The following TMEM242 variants were observed in gnomAD, a reference collection of about 807,000 sequenced individuals.
TMEM242 encodes the protein transmembrane protein 242.
A neutral mutation model predicts 18.2 loss-of-function variants in TMEM242; 10 were observed. The ratio of observed to expected loss-of-function variants is 0.55; its 90% confidence interval spans 0.34 to 0.93. TMEM242 has a LOEUF of 0.93. Ranked by LOEUF, TMEM242 falls within the 40% of genes least tolerant of loss-of-function variation. The pLI is 0.02. For missense variants in TMEM242, 186 were observed against 175.5 expected (o/e 1.06, Z -0.34); for synonymous variants, 57 against 69.9 (o/e 0.81, Z 0.92).
At chr6:157,312,705 CGCT>C (rs1778210591) in intron 3 of TMEM242, among the ~76,000 whole-genome samples, 3 of 117,256 alleles carry the variant, frequency 2.6e-5, no homozygotes, top group South Asian at 3.1e-4. Context: ...TCCCAGTGTG[CGCT>C]CACCTGGCCT....
chr6:157,313,981 T>C (rs886200639), intron 3 of TMEM242, among the ~76,000 whole-genome samples: 5 of 129,418 alleles, frequency 3.9e-5, no homozygotes, highest in East Asian at 2.5e-4. Flanking sequence ...GGCCTCATCA[T>C]AGTGCCCCAG....
chr6:157,293,656 G>T (rs1295383249), intron 3 of TMEM242, among the ~76,000 whole-genome samples: 6 of 149,062 alleles, frequency 4.0e-5, no homozygotes, highest in East Asian at 2.0e-4. Flanking sequence ...CAAGACAGTG[G>T]TTTTTTTTTT....
At chr6:157,312,904 C>CGCTCACCCGGCATCATCATAGTGCCCCAG (rs1778227160) in intron 3 of TMEM242, among the ~76,000 whole-genome samples, 1 of 13,430 alleles carries the variant, frequency 7.4e-5, no homozygotes, top group Admixed American at 7.1e-4. Context: ...TAGTGTCCCA[C>CGCTCACCCGGCATCATCATAGTGCCCCAG]TGTGCGCTCA....
intron 3 of TMEM242, among the ~76,000 whole-genome samples, chr6:157,295,710 C>T (rs1187575630): frequency 6.6e-6 from 1 of 152,060 alleles, no homozygotes; most frequent in Non-Finnish European, 1.5e-5. Flanking sequence ...TACTTGTGCC[C>T]AGGGTCATGG....
intron 3 of TMEM242, among the ~76,000 whole-genome samples, chr6:157,295,077 C>T (rs1198666794): frequency 6.6e-6 from 1 of 152,194 alleles, no homozygotes; most frequent in Admixed American, 6.5e-5. Context: ...ACAAAGCTCA[C>T]ATGGATATAA....
intron 2 of TMEM242, among the ~76,000 whole-genome samples, chr6:157,320,874 C>A (rs1778484081): frequency 6.6e-6 from 1 of 152,002 alleles, no homozygotes; most frequent in Non-Finnish European, 1.5e-5. Flanking sequence ...AATATTCTTT[C>A]AAGTAAAAAT....
intron 3 of TMEM242, chr6:157,299,974 G>C: frequency 1.3e-6 from 2 of 1,498,104 alleles, no homozygotes; most frequent in Non-Finnish European, 1.9e-6. Flanking sequence ...CCTCGGAAGT[G>C]AAGCGCTCAA....
intron 3 of TMEM242, chr6:157,298,996 T>C (rs1554247328): frequency 4.2e-6 from 1 of 237,810 alleles, no homozygotes; most frequent in Admixed American, 4.5e-5. Context: ...TATATAACCC[T>C]ATATCTATGA....
chr6:157,290,641 A>G lies in TMEM242; in HGVS notation c.*2260T>C, dbSNP rs1180834500. On this transcript the variant is annotated 3_prime_UTR_variant, in exon 4 of 4. Coordinates refer to ENST00000400788, the MANE Select transcript of TMEM242 (RefSeq NM_018452.6). ...TATGCCTCTGGTACAAAAGGAATAG[A>G]CAAATGACGAAATCTACTGATATTC... 2 of 152,246 alleles carry G rather than the reference A, an allele frequency of 1.3e-5. No individual in the cohort carries two copies. The highest frequency in any genetic ancestry group is 2.9e-5 in the Non-Finnish European group (2 of 68,048). The allele number at this position is 152,246 out of a possible 1,614,324, so 9.4% of individuals were successfully genotyped here. A position where few individuals can be genotyped will look rare whatever the true frequency, so the allele number is the denominator to read the frequency against.
chr6:157,314,298 G>T (rs1554250097), intron 3 of TMEM242, among the ~76,000 whole-genome samples: 5 of 146,856 alleles, frequency 3.4e-5, no homozygotes, highest in South Asian at 2.2e-4. Flanking sequence ...GTCGCAGTGT[G>T]CACTCACCTG....
chr6:157,295,318 A>C (rs1161220839), intron 3 of TMEM242, among the ~76,000 whole-genome samples: 1 of 152,208 alleles, frequency 6.6e-6, no homozygotes, highest in Non-Finnish European at 1.5e-5. Context: ...TTTGTCCAAA[A>C]CATTAATATC....
intron 3 of TMEM242, among the ~76,000 whole-genome samples, chr6:157,313,322 A>C (rs1583571495): frequency 6.6e-6 from 1 of 150,786 alleles, no homozygotes. Context: ...GTGTGCGCTC[A>C]CCTGGCCTCA....
At chr6:157,299,128 C>T (rs201931891) in intron 3 of TMEM242, 5 of 116,752 alleles carry the variant, frequency 4.3e-5, no homozygotes, top group Non-Finnish European at 5.3e-5. Context: ...GTCAGCTTTC[C>T]CAGGACACAA....
At chr6:157,318,595 C>T in intron 3 of TMEM242, 187 bp downstream of exon 3, 1 of 593,620 alleles carries the variant, frequency 1.7e-6, no homozygotes, top group Non-Finnish European at 2.8e-6. Flanking sequence ...TTACCACCTT[C>T]AAAAATTGTA....
intron 1 of TMEM242, among the ~76,000 whole-genome samples, chr6:157,323,092 G>T (rs1778521055): frequency 6.6e-6 from 1 of 152,146 alleles, no homozygotes; most frequent in Non-Finnish European, 1.5e-5. Context: ...ACCACAGCGT[G>T]AAGTTTCTCA....
At chr6:157,297,599 C>G (rs782734818) in intron 3 of TMEM242, among the ~76,000 whole-genome samples, 1 of 152,106 alleles carries the variant, frequency 6.6e-6, no homozygotes, top group Non-Finnish European at 1.5e-5. Context: ...CCTGAGAAAT[C>G]AACATTTCTA....
At chr6:157,294,714 T>C (rs1456082053) in intron 3 of TMEM242, among the ~76,000 whole-genome samples, 1 of 152,206 alleles carries the variant, frequency 6.6e-6, no homozygotes, top group African/African-American at 2.4e-5. Context: ...TCGATGCTTA[T>C]TTATTTCAAT....
At chr6:157,306,427 A>T (rs587662697) in intron 3 of TMEM242, among the ~76,000 whole-genome samples, 1 of 152,318 alleles carries the variant, frequency 6.6e-6, no homozygotes, top group Non-Finnish European at 1.5e-5. Context: ...CAGTGTGGTC[A>T]GGAATGGCCA....
In TMEM242 at chr6:157,311,155, T is replaced by G. The variant is rs1263383814; in HGVS notation, c.327+7627A>C. On this transcript the variant is annotated intron_variant, in intron 3 of 3. Coordinates refer to ENST00000400788, the MANE Select transcript of TMEM242 (RefSeq NM_018452.6). ...CATAGTGTCCCAGTGTGCACTCACC[T>G]AGCCCCATCATAGTGTCCGAATGTG... 8.6e-3 allele frequency among the ~76,000 whole-genome samples: 144 copies of G among 16,730 alleles called. 17 individuals carry two copies. Among genetic ancestry groups the G allele is most frequent in the African/African-American group, 0.026 (141 of 5,446 alleles). 11.0% of individuals were successfully genotyped at this position (16,730 alleles called of 152,430 possible).
Sources: gnomAD v4.1 joint callset for allele counts (sites outside exome capture counted in the v4.1 genomes callset) on GRCh38, gnomAD v4.1.1 for gene constraint, MANE v1.5 for transcripts, NCBI Gene and HGNC (gene_info 2026-07-23, HGNC 2026-07-21) for gene names.